Variants in SDK1 observed in about 807,000 individuals in gnomAD.
SDK1 encodes the protein protein sidekick-1.
Under a neutral mutation model 245.5 loss-of-function variants are expected in SDK1, and 157 were observed. The ratio of observed to expected loss-of-function variants is 0.64; its 90% confidence interval spans 0.56 to 0.73. SDK1 has a LOEUF of 0.73. Among genes scored for constraint, SDK1 ranks in the 30% least tolerant of loss-of-function variants. The probability of loss-of-function intolerance (pLI) is 0.00; values close to 1 mark genes in which losing one functional copy is unlikely to be tolerated. For synonymous variants in SDK1, 1,647 were observed against 1,278.5 expected (o/e 1.29, Z -6.15); for missense variants, 3,583 against 3,002.3 (o/e 1.19, Z -4.52).
intron 4 of SDK1, among the ~76,000 whole-genome samples, chr7:3,730,606 A>T (rs1318349337): frequency 6.6e-6 from 1 of 152,086 alleles, no homozygotes; most frequent in African/African-American, 2.4e-5. Context: ...GAGGTCACAA[A>T]TGGCTTTTTT....
intron 4 of SDK1, among the ~76,000 whole-genome samples, chr7:3,811,774 C>T (rs915864787): frequency 3.3e-5 from 5 of 152,194 alleles, no homozygotes; most frequent in African/African-American, 9.7e-5. Flanking sequence ...GCAGGGATGG[C>T]ATTTCCTCCC....
At chr7:3,393,012 C>T (rs905435606) in intron 1 of SDK1, among the ~76,000 whole-genome samples, 10 of 117,074 alleles carry the variant, frequency 8.5e-5, no homozygotes, top group Admixed American at 5.2e-4. Flanking sequence ...CTCTTGTTCC[C>T]CAGGCTGTAG....
At chr7:3,584,968 C>A (rs893034200) in intron 1 of SDK1, among the ~76,000 whole-genome samples, 2 of 152,118 alleles carry the variant, frequency 1.3e-5, no homozygotes, top group Non-Finnish European at 2.9e-5. Context: ...TCGTAATCTG[C>A]CCTCCTCGGC....
intron 1 of SDK1, among the ~76,000 whole-genome samples, chr7:3,614,925 T>C (rs557960725): frequency 8.2e-5 from 12 of 147,170 alleles, no homozygotes; most frequent in South Asian, 2.1e-4. Context: ...GCTTTTTTTT[T>C]CCTACCAGCT....
intron 44 of SDK1, among the ~76,000 whole-genome samples, chr7:4,255,657 T>C (rs1448634202): frequency 2.0e-5 from 3 of 152,040 alleles, no homozygotes; most frequent in Non-Finnish European, 4.4e-5. Flanking sequence ...TGGAGTTGGG[T>C]TGGGGGAAAG....
At chr7:4,240,642 C>A (rs540210854) in intron 42 of SDK1, among the ~76,000 whole-genome samples, 1 of 152,196 alleles carries the variant, frequency 6.6e-6, no homozygotes, top group Non-Finnish European at 1.5e-5. Context: ...ACCTGCCAAG[C>A]CCCTGGTATG....
chr7:3,425,115 C>CT (rs3086058), intron 1 of SDK1, among the ~76,000 whole-genome samples: 58 of 144,758 alleles, frequency 4.0e-4, no homozygotes, highest in Middle Eastern at 3.5e-3. Context: ...CAGTTGCCAG[C>CT]TTTTTTTTTT....
At chr7:4,179,680 G>C (rs1217772589) in intron 35 of SDK1, among the ~76,000 whole-genome samples, 1 of 151,996 alleles carries the variant, frequency 6.6e-6, no homozygotes, top group Non-Finnish European at 1.5e-5. Context: ...CTCAGGGATG[G>C]ACCTGGCTGT....
chr7:3,486,451 T>C (rs753475037), intron 1 of SDK1, among the ~76,000 whole-genome samples: 1 of 152,090 alleles, frequency 6.6e-6, no homozygotes, highest in African/African-American at 2.4e-5. Flanking sequence ...CTTTCCTGTT[T>C]GGTTTTGTTT....
At position 4,268,045 on chromosome 7, in the gene SDK1, C is replaced by T. The variant is rs1035633867; in HGVS notation, c.*2661C>T. ...AGGAAGATGGAGGTTGGATTTTAAT[C>T]TCGGTTTTAAAAAGAGGACAAACAA... is the stretch of plus-strand genomic sequence containing the variant. On this transcript the variant is annotated 3_prime_UTR_variant, in exon 45 of 45. Coordinates refer to ENST00000404826, the MANE Select transcript of SDK1 (RefSeq NM_152744.4). 2 of 985,244 alleles carry T rather than the reference C, an allele frequency of 2.0e-6. No individual in the cohort carries two copies. The highest frequency in any genetic ancestry group is 1.7e-5 in the African/African-American group (1 of 57,246). The allele number at this position is 985,244 out of a possible 1,614,324, so 61.0% of individuals were successfully genotyped here. A position where few individuals can be genotyped will look rare whatever the true frequency, so the allele number is the denominator to read the frequency against.
intron 5 of SDK1, among the ~76,000 whole-genome samples, chr7:3,932,682 T>G (rs1340951909): frequency 6.6e-6 from 1 of 152,202 alleles, no homozygotes; most frequent in Non-Finnish European, 1.5e-5. Flanking sequence ...GAAGAGGAAA[T>G]TCCTCTCCAG....
chr7:3,797,026 A>G (rs1386075647), intron 4 of SDK1, among the ~76,000 whole-genome samples: 1 of 145,852 alleles, frequency 6.9e-6, no homozygotes, highest in East Asian at 2.0e-4. Flanking sequence ...TTCTTTAGAG[A>G]CAGGGTCTTG....
intron 22 of SDK1, among the ~76,000 whole-genome samples, chr7:4,108,441 A>G (rs870907): frequency 1.3e-5 from 2 of 151,082 alleles, no homozygotes; most frequent in African/African-American, 4.9e-5. Flanking sequence ...AAGTGAGGAT[A>G]TGAGGGTTTT....
At chr7:3,611,407 T>C (rs914444233) in intron 1 of SDK1, among the ~76,000 whole-genome samples, 3 of 152,180 alleles carry the variant, frequency 2.0e-5, no homozygotes, top group African/African-American at 7.2e-5. Flanking sequence ...TCACATTTAA[T>C]AACCAAACGA....
intron 1 of SDK1, among the ~76,000 whole-genome samples, chr7:3,429,708 C>A (rs941601635): frequency 4.0e-5 from 6 of 151,770 alleles, no homozygotes; most frequent in African/African-American, 7.3e-5. Context: ...GCAATCCTCC[C>A]GCCTCAGCCT....
intron 4 of SDK1, among the ~76,000 whole-genome samples, chr7:3,809,936 A>G (rs1779344406): frequency 6.6e-6 from 1 of 152,220 alleles, no homozygotes; most frequent in Admixed American, 6.5e-5. Flanking sequence ...TGGCTGGGCC[A>G]ACGCTTCTCT....
intron 2 of SDK1, among the ~76,000 whole-genome samples, chr7:3,628,936 A>G: frequency 6.6e-6 from 1 of 152,070 alleles, no homozygotes; most frequent in East Asian, 1.9e-4. Context: ...TTCTGAGTTG[A>G]AGAGAGCTGA....
At position 4,228,475 on chromosome 7, in the gene SDK1, G is replaced by T. The variant is rs555226054; in HGVS notation, c.5828-4780G>T. ...TTGATGCCTGCATCAGTCATTTTGG[G>T]GGATCAGTGATCTGGGGATGTGGCT... On this transcript the variant is annotated intron_variant, in intron 40 of 44. Coordinates refer to ENST00000404826, the MANE Select transcript of SDK1 (RefSeq NM_152744.4). 2.0e-5 allele frequency among the ~76,000 whole-genome samples: 3 copies of T among 152,338 alleles called. No individual in the cohort carries two copies. The East Asian group carries it at 5.8e-4, about 29-fold the overall frequency.
chr7:3,322,598 G>C (rs73046641), intron 1 of SDK1, among the ~76,000 whole-genome samples: 41,375 of 152,038 alleles, frequency 0.27, 5,716 homozygotes, highest in East Asian at 0.35. Flanking sequence ...CAACAATGTA[G>C]AAGAATTCCA....
Sources: gnomAD v4.1 joint callset for allele counts (sites outside exome capture counted in the v4.1 genomes callset) on GRCh38, gnomAD v4.1.1 for gene constraint, MANE v1.5 for transcripts, NCBI Gene and HGNC (gene_info 2026-07-23, HGNC 2026-07-21) for gene names.